Variants in SHISA4 observed in about 807,000 individuals in gnomAD.
SHISA4 encodes the protein protein shisa-4.
Under a neutral mutation model 24.2 loss-of-function variants are expected in SHISA4, and 16 were observed. That is an observed-to-expected ratio of 0.66 (90% CI 0.45 to 1.00). The LOEUF (loss-of-function observed/expected upper bound fraction) is 1.00. SHISA4 is among the 50% of genes least tolerant of loss of function. The pLI is 0.00. For synonymous variants in SHISA4, 106 were observed against 105.4 expected (o/e 1.01, Z -0.04); for missense variants, 238 against 258.9 (o/e 0.92, Z 0.55).
chr1:201,892,094 G>T lies in SHISA4; in HGVS notation c.*248G>T, dbSNP rs1355250196. 1.9e-6 allele frequency: 1 copy of T among 523,680 alleles called. No homozygotes were observed. Among genetic ancestry groups the T allele is most frequent in the Middle Eastern group, 5.2e-4 (1 of 1,928 alleles). 32.4% of individuals were successfully genotyped at this position (523,680 alleles called of 1,614,324 possible). The stretch of plus-strand genomic sequence containing the variant: ...ATTTTTACTGGGGGCAAGGGAGGGA[G>T]ATGACAGCCTGGGTCACAGTGCCTG... On this transcript the variant is annotated 3_prime_UTR_variant, in exon 5 of 5. Transcript: ENST00000362011.
chr1:201,891,985 A>C lies in SHISA4; in HGVS notation c.*139A>C. ...CAGACCAAGCCAAGCCCTGGGCCCT[A>C]CTGGGGACAGAGCCCCAGGGAAGTG... On this transcript the variant is annotated 3_prime_UTR_variant, in exon 5 of 5. Coordinates refer to ENST00000362011, the MANE Select transcript of SHISA4 (RefSeq NM_198149.3). 1 of 949,270 alleles carries C rather than the reference A, an allele frequency of 1.1e-6. No individual in the cohort carries two copies. 58.8% of individuals were successfully genotyped at this position (949,270 alleles called of 1,614,324 possible). A position where few individuals can be genotyped will look rare whatever the true frequency, so the allele number is the denominator to read the frequency against.
Position 201,891,541 on chromosome 1 carries a change from G to A in SHISA4, c.520G>A (p.Ala174Thr). 6.2e-7 allele frequency: 1 copy of A among 1,613,292 alleles called. No homozygotes were observed. The change falls in exon 4 of 5, where the codon GCT becomes ACT. Residue 174 changes from alanine (A) to threonine (T), a missense_variant. Transcript: ENST00000362011. Reference sequence around the variant, plus strand: ...TGCTCCCCAATATCCACTCTACCCAGCTGGGCCCCCAGTCTACAACCCTGC... The same window carrying A: ...TGCTCCCCAATATCCACTCTACCCAACTGGGCCCCCAGTCTACAACCCTGC... The part of the protein sequence containing the change: ...GPAPQYPLYP[A>T]GPPVYNPAAP...
rs1020697837 is a variant in SHISA4 at position 201,889,061 on chromosome 1, C to G, written c.67C>G (p.Pro23Ala). The change falls in exon 1 of 5, where the codon CCC (proline) becomes GCC (alanine). Residue 23 changes from proline to alanine, a missense_variant. Physicochemically the swap from Pro to Ala is conservative, Grantham distance 27. Coordinates refer to ENST00000362011, the MANE Select transcript of SHISA4 (RefSeq NM_198149.3). ...TAIALLVLGA[P>A]LVLAGEDCLW... ...AATCGCTCTGTTGGTGCTGGGGGCT[C>G]CCCTGGGTAAGGGGATGGGGAGAGA... 1 of 1,394,628 alleles carries G rather than the reference C, an allele frequency of 7.2e-7. No homozygotes were observed. The allele number at this position is 1,394,628 out of a possible 1,614,324, so 86.4% of individuals were successfully genotyped here. A position where few individuals can be genotyped will look rare whatever the true frequency, so the allele number is the denominator to read the frequency against.
In SHISA4 at chr1:201,890,656, G is replaced by C. The variant is rs1473046040; in HGVS notation, c.379+69G>C. ...TAAGTCCAATAATGGGCAGCAGAGA[G>C]TTCATGGATTGGGTAAATTCTGTAG... is the stretch of plus-strand genomic sequence containing the variant. On this transcript the variant is annotated intron_variant, in intron 3 of 4. Transcript: ENST00000362011. The C allele has an allele frequency of 1.9e-6, 3 of 1,576,448 alleles. No individual in the cohort carries two copies. The East Asian group carries it at 6.7e-5, about 35-fold the overall frequency.
Position 201,890,561 on chromosome 1 carries a change from G to T in SHISA4, c.353G>T (p.Arg118Leu). 1 of 1,614,196 alleles carries T rather than the reference G, an allele frequency of 6.2e-7. No homozygotes were observed. Among genetic ancestry groups the T allele is most frequent in the Non-Finnish European group, 8.5e-7 (1 of 1,180,044 alleles). ...LCSCCYLYRR[R>L]QQLQSPFEGQ... Reference sequence around the variant, plus strand: ...TCCTGTTGCTACCTGTACCGCCGGCGCCAGCAGCTCCAGAGCCCATTTGAA... The same window carrying T: ...TCCTGTTGCTACCTGTACCGCCGGCTCCAGCAGCTCCAGAGCCCATTTGAA... Residue 118 changes from arginine to leucine, a missense_variant, in exon 3 of 5, where the codon CGC (arginine) becomes CTC (leucine). Transcript: ENST00000362011.
Position 201,888,925 on chromosome 1 carries a change from C to T in SHISA4, c.-70C>T. On this transcript the variant is annotated 5_prime_UTR_variant, in exon 1 of 5. Transcript: ENST00000362011. ...CCGCGGGCTGGGCCCCGCCGCAGCTCCAGCTGGCCGGCTTGGTCCTGCGGT... is the reference window on the plus strand; with the variant it reads ...CCGCGGGCTGGGCCCCGCCGCAGCTTCAGCTGGCCGGCTTGGTCCTGCGGT... The T allele has an allele frequency of 8.8e-7, 1 of 1,130,682 alleles. No individual in the cohort carries two copies. The allele number at this position is 1,130,682 out of a possible 1,614,324, so 70.0% of individuals were successfully genotyped here.
chr1:201,889,309 C>A, intron 1 of SHISA4, 136 bp from the exon 2 acceptor site: 1 of 1,274,826 alleles, frequency 7.8e-7, no homozygotes, highest in South Asian at 1.4e-5. Context: ...GGGCTGAGAC[C>A]CTCAGGGTGG....
intron 2 of SHISA4, 96 bp downstream of exon 2, chr1:201,889,712 G>A: frequency 1.4e-6 from 2 of 1,417,046 alleles, no homozygotes; most frequent in Non-Finnish European, 2.0e-6. Context: ...CTCCGTTGTC[G>A]ACCTCCACAT....
chr1:201,889,619 G>T lies in SHISA4; in HGVS notation c.245+3G>T. Reference sequence around the variant, plus strand: ...CAGAAGCACTGCCTGGCCTTCAGGTGGGTTCCTGCCTCCTCACCCTCACCA... The same window carrying T: ...CAGAAGCACTGCCTGGCCTTCAGGTTGGTTCCTGCCTCCTCACCCTCACCA... On this transcript the variant is annotated splice_donor_region_variant and intron_variant, in intron 2 of 4. Transcript: ENST00000362011. 1 of 1,612,414 alleles carries T rather than the reference G, an allele frequency of 6.2e-7. No homozygotes were observed.
chr1:201,889,954 G>A (rs1174508512), intron 2 of SHISA4, among the ~76,000 whole-genome samples: 1 of 152,182 alleles, frequency 6.6e-6, no homozygotes, highest in Non-Finnish European at 1.5e-5. Flanking sequence ...AGAAGCTCTG[G>A]CACAAAGGCA....
rs1681108449 is a variant in SHISA4 at position 201,891,919 on chromosome 1, CTG to C, written c.*74_*75del. 1.3e-6 allele frequency: 2 copies of C among 1,577,940 alleles called. No individual in the cohort carries two copies. The highest frequency in any genetic ancestry group is 1.7e-6 in the Non-Finnish European group (2 of 1,147,752). On this transcript the variant is annotated 3_prime_UTR_variant, in exon 5 of 5. Coordinates refer to ENST00000362011, the MANE Select transcript of SHISA4 (RefSeq NM_198149.3). ...AGATGCCCTCATCCTGTACCTGCAT[CTG>C]GTCCTGGGGGTGGCAGGAGTCCTCC...
At chr1:201,888,764 C>T (rs773876590), upstream of SHISA4, 4 of 371,152 alleles carry the variant, frequency 1.1e-5, no homozygotes, top group South Asian at 4.3e-4. Context: ...GTGAGGGGCA[C>T]CCAGCTCCAG....
rs1455625309 is a variant in SHISA4, at chr1:201,889,522, A to T, written c.151A>T (p.Thr51Ser). Residue 51 changes from threonine to serine, a missense_variant, in exon 2 of 5, where the codon ACC (threonine) becomes TCC (serine). Physicochemically the swap from Thr to Ser is moderately conservative, Grantham distance 58. Transcript: ENST00000362011. ...WHPGFNCEFF[T>S]FCCGTCYHRY... Reference sequence around the variant, plus strand: ...TCCGGGGTTTAACTGCGAGTTCTTCACCTTCTGCTGCGGGACCTGCTACCA... The same window carrying T: ...TCCGGGGTTTAACTGCGAGTTCTTCTCCTTCTGCTGCGGGACCTGCTACCA... The T allele has an allele frequency of 6.2e-6, 10 of 1,613,602 alleles. No homozygotes were observed. Among genetic ancestry groups the T allele is most frequent in the Non-Finnish European group, 8.5e-6 (10 of 1,179,950 alleles).
In SHISA4 at chr1:201,890,571, C is replaced by T. The variant is rs764014312; in HGVS notation, c.363C>T (p.Leu121=). Residue 121 remains leucine, a synonymous_variant, in exon 3 of 5, where the codon CTC becomes CTT. Coordinates refer to ENST00000362011, the MANE Select transcript of SHISA4 (RefSeq NM_198149.3). ...CCYLYRRRQQ[L]QSPFEGQEIP... is the part of the protein sequence containing the mutation. ...ACCTGTACCGCCGGCGCCAGCAGCT[C>T]CAGAGCCCATTTGAAGGTACACCCA... The T allele has an allele frequency of 2.2e-5, 36 of 1,614,074 alleles. No individual in the cohort carries two copies. Among genetic ancestry groups the T allele is most frequent in the Non-Finnish European group, 1.9e-5 (23 of 1,180,054 alleles).
At chr1:201,890,419 GT>G (rs1438665299) in intron 2 of SHISA4, 34 bp from the exon 3 acceptor site, 19 of 1,611,868 alleles carry the variant, frequency 1.2e-5, no homozygotes, top group Non-Finnish European at 1.6e-5. Flanking sequence ...TCCTATGAGT[GT>G]TGGAAGGTGA....
rs72742097 is a variant in SHISA4, at chr1:201,892,052, G to T, written c.*206G>T. 24,791 of 606,076 alleles carry T rather than the reference G, an allele frequency of 0.041. 670 individuals are homozygous for T. Among genetic ancestry groups the T allele is most frequent in the Middle Eastern group, 0.058 (137 of 2,382 alleles). 37.5% of individuals were successfully genotyped at this position (606,076 alleles called of 1,614,324 possible). The stretch of plus-strand genomic sequence containing the variant: ...AGAACTATGAGGGGTTGGGGGGAGG[G>T]CTTGGAATTATGGGCTATTTTTACT... On this transcript the variant is annotated 3_prime_UTR_variant, in exon 5 of 5. Transcript: ENST00000362011.
rs372918072 is a variant in SHISA4, at chr1:201,891,525, A to G, written c.504A>G (p.Gln168=). ...ACCCACCTAGTGGTCCTGCTCCCCA[A>G]TATCCACTCTACCCAGCTGGGCCCC... is the stretch of plus-strand genomic sequence containing the variant. ...FIYPPSGPAP[Q]YPLYPAGPPV... Residue 168 remains glutamine (Q), a synonymous_variant, in exon 4 of 5, where the codon CAA becomes CAG. Transcript: ENST00000362011. 9.4e-5 allele frequency: 152 copies of G among 1,613,568 alleles called. No homozygotes were observed. Among genetic ancestry groups the G allele is most frequent in the African/African-American group, 6.0e-4 (45 of 74,876 alleles).
intron 3 of SHISA4, among the ~76,000 whole-genome samples, 159 bp downstream of exon 3, chr1:201,890,746 G>T: frequency 6.6e-6 from 1 of 152,204 alleles, no homozygotes; most frequent in Middle Eastern, 3.2e-3. Context: ...TTGTAAACCC[G>T]TGAATATTAG....
At chr1:201,890,819 T>A (rs932760113) in intron 3 of SHISA4, among the ~76,000 whole-genome samples, 1 of 152,236 alleles carries the variant, frequency 6.6e-6, no homozygotes, top group African/African-American at 2.4e-5. Context: ...CACATGAAGA[T>A]TCAAATGTGT....
Sources: gnomAD v4.1 joint callset for allele counts (sites outside exome capture counted in the v4.1 genomes callset) on GRCh38, gnomAD v4.1.1 for gene constraint, MANE v1.5 for transcripts, NCBI Gene and HGNC (gene_info 2026-07-23, HGNC 2026-07-21) for gene names.